The following CDYL variants were observed in gnomAD, a reference collection of about 807,000 sequenced individuals.
The protein encoded by CDYL is chromodomain Y like.
A neutral mutation model predicts 47.3 loss-of-function variants in CDYL; 8 were observed. The ratio of observed to expected loss-of-function variants is 0.17; its 90% CI spans 0.10 to 0.31. The LOEUF is 0.31. CDYL is among the 10% of genes least tolerant of loss of function. The probability of loss-of-function intolerance (pLI) is 1.00; values close to 1 mark genes in which losing one functional copy is unlikely to be tolerated. For missense variants in CDYL, 471 were observed against 701.4 expected (o/e 0.67, Z 3.71); for synonymous variants, 266 against 265.0 (o/e 1.00, Z -0.04).
chr6:4,935,850 C>A, intron 3 of CDYL, 79 bp downstream of exon 3: 1 of 1,579,834 alleles, frequency 6.3e-7, no homozygotes, highest in Admixed American at 1.7e-5. Context: ...TGAACTGGCT[C>A]TTCCTGTGCT....
intron 3 of CDYL, among the ~76,000 whole-genome samples, chr6:4,758,356 ATATAT>A (rs1439140877): frequency 2.0e-4 from 28 of 141,596 alleles, no homozygotes; most frequent in African/African-American, 7.4e-4. Flanking sequence ...AAATAAATAT[ATATAT>A]ATATATATAT....
At chr6:4,803,695 G>A (rs572975924) in intron 1 of CDYL, among the ~76,000 whole-genome samples, 5 of 151,064 alleles carry the variant, frequency 3.3e-5, no homozygotes, top group East Asian at 3.9e-4. Flanking sequence ...ACGTGGCCTC[G>A]GGATATCTCC....
intron 1 of CDYL, among the ~76,000 whole-genome samples, chr6:4,856,135 A>G (rs1306811254): frequency 1.3e-5 from 2 of 152,224 alleles, no homozygotes; most frequent in Non-Finnish European, 2.9e-5. Context: ...ACACCAGGGT[A>G]TAGCAGTGAA....
intron 1 of CDYL, among the ~76,000 whole-genome samples, chr6:4,785,187 G>A (rs1193620445): frequency 6.6e-6 from 1 of 152,196 alleles, no homozygotes; most frequent in African/African-American, 2.4e-5. Context: ...GCCTAGGTGT[G>A]TAGTAGGCTA....
chr6:4,928,262 A>ATG (rs916912662), intron 2 of CDYL, among the ~76,000 whole-genome samples: 3 of 151,278 alleles, frequency 2.0e-5, no homozygotes, highest in Admixed American at 6.6e-5. Context: ...TTGTGTGTGT[A>ATG]TGTGTGTGTG....
intron 2 of CDYL, among the ~76,000 whole-genome samples, chr6:4,916,581 C>T (rs755883466): frequency 6.9e-6 from 1 of 144,988 alleles, no homozygotes; most frequent in Non-Finnish European, 1.5e-5. Flanking sequence ...AACAGAATGA[C>T]GCCTGGAAGG....
intron 1 of CDYL, among the ~76,000 whole-genome samples, chr6:4,833,695 T>C (rs1760213046): frequency 6.6e-6 from 1 of 151,530 alleles, no homozygotes; most frequent in Non-Finnish European, 1.5e-5. Context: ...CCATTATTAT[T>C]GTGTGGGAGT....
chr6:4,881,984 C>T (rs1474528151), intron 1 of CDYL, among the ~76,000 whole-genome samples: 2 of 152,212 alleles, frequency 1.3e-5, no homozygotes, highest in Non-Finnish European at 2.9e-5. Flanking sequence ...CTGGAGCAGG[C>T]ATGCTCACTA....
At chr6:4,773,127 TGAG>T (rs1163020116), upstream of CDYL, 1 of 457,356 alleles carries the variant, frequency 2.2e-6, no homozygotes, top group South Asian at 1.5e-5. This position sits in a 1 kb window ranked among gnomAD's most constrained non-coding sequence, Gnocchi z 4.6. Flanking sequence ...TGTTTGGATT[TGAG>T]GAGGAGAGAA....
intron 1 of CDYL, among the ~76,000 whole-genome samples, chr6:4,805,040 G>A (rs1168814506): frequency 6.6e-6 from 1 of 152,130 alleles, no homozygotes; most frequent in South Asian, 2.1e-4. Flanking sequence ...TTCTAAATCA[G>A]ACCAAAAAAA....
At position 4,926,964 on chromosome 6, in the gene CDYL, G is replaced by T. The variant is rs571514373; in HGVS notation, c.692-8551G>T. Among the ~76,000 whole-genome samples the T allele has an allele frequency of 3.9e-5, 6 of 152,266 alleles. No homozygotes were observed. In the East Asian group the frequency reaches 1.2e-3, roughly 29 times the overall value. ...TGCTTAGGAGCTCAGCATGTGTAAG[G>T]TGTGATGCAAATGGCAGCTGCTGTG... On this transcript the variant is annotated intron_variant, in intron 2 of 6. Coordinates refer to ENST00000397588, the MANE Select transcript of CDYL (RefSeq NM_004824.4).
At chr6:4,752,765 G>T (rs574672567) in intron 3 of CDYL, among the ~76,000 whole-genome samples, 7 of 152,168 alleles carry the variant, frequency 4.6e-5, no homozygotes, top group Admixed American at 1.3e-4. Context: ...TCATCACATG[G>T]CGGCGAGGAC....
At chr6:4,858,208 T>G (rs2127467119) in intron 1 of CDYL, among the ~76,000 whole-genome samples, 1 of 152,346 alleles carries the variant, frequency 6.6e-6, no homozygotes, top group Non-Finnish European at 1.5e-5. Flanking sequence ...AAGATTTTTT[T>G]GGTTGTATTT....
intron 3 of CDYL, among the ~76,000 whole-genome samples, chr6:4,768,733 A>G (rs573294876): frequency 6.6e-6 from 1 of 152,304 alleles, no homozygotes; most frequent in African/African-American, 2.4e-5. Flanking sequence ...TCCAAACACT[A>G]CAGTATGGAA....
intron 3 of CDYL, among the ~76,000 whole-genome samples, chr6:4,738,699 CA>C (rs1354027710): frequency 6.6e-6 from 1 of 152,078 alleles, no homozygotes; most frequent in Non-Finnish European, 1.5e-5. Context: ...TACATGTGTG[CA>C]AAGAGACAAA....
At chr6:4,778,592 G>A (rs1314870035) in intron 1 of CDYL, among the ~76,000 whole-genome samples, 2 of 152,198 alleles carry the variant, frequency 1.3e-5, no homozygotes, top group Non-Finnish European at 2.9e-5. Flanking sequence ...TTCAAGGAGT[G>A]TCTGTTGGGG....
chr6:4,901,736 C>T (rs2127494334), intron 2 of CDYL, among the ~76,000 whole-genome samples: 1 of 152,316 alleles, frequency 6.6e-6, no homozygotes. Context: ...AAGACTTTCG[C>T]TTCTGTGTCA....
At chr6:4,953,277 G>A (rs975108066) in intron 6 of CDYL, among the ~76,000 whole-genome samples, 7 of 151,610 alleles carry the variant, frequency 4.6e-5, no homozygotes, top group South Asian at 4.1e-4. Flanking sequence ...CCAACTACTC[G>A]AGAGGCTGAG....
At chr6:4,871,711 C>T (rs1185356199) in intron 1 of CDYL, among the ~76,000 whole-genome samples, 2 of 152,156 alleles carry the variant, frequency 1.3e-5, no homozygotes, top group South Asian at 2.1e-4. Context: ...GCCGTGTCCT[C>T]TCCACCCTAA....
Sources: gnomAD v4.1 joint callset for allele counts (sites outside exome capture counted in the v4.1 genomes callset) on GRCh38, gnomAD v4.1.1 for gene constraint, Gnocchi (gnomAD v3.1) non-coding constraint, MANE v1.5 for transcripts, NCBI Gene and HGNC (gene_info 2026-07-23, HGNC 2026-07-21) for gene names.